Variants in TRHDE observed in about 807,000 individuals in gnomAD.
TRHDE encodes thyrotropin-releasing hormone-degrading ectoenzyme.
TRHDE carries 72 observed loss-of-function variants against 125.7 expected under a neutral mutation model. The ratio of observed to expected loss-of-function variants is 0.57; its 90% CI spans 0.47 to 0.70. The LOEUF (loss-of-function observed/expected upper bound fraction) is 0.70, where lower values mean the gene tolerates loss of function less well. Ranked by LOEUF, TRHDE falls within the 30% of genes least tolerant of loss-of-function variation. The pLI, the probability that TRHDE is intolerant of heterozygous loss-of-function variation, is 0.00. For synonymous variants in TRHDE, 509 were observed against 509.1 expected (o/e 1.00, Z 0.00); for missense variants, 1,110 against 1,327.1 (o/e 0.84, Z 2.54).
chr12:72,314,726 G>T (rs932684238), intron 2 of TRHDE, among the ~76,000 whole-genome samples: 1 of 152,058 alleles, frequency 6.6e-6, no homozygotes, highest in Non-Finnish European at 1.5e-5. Flanking sequence ...AAAAAAATCA[G>T]AGTTTTAAAA....
chr12:72,145,348 A>G (rs912115942), intron 2 of TRHDE, among the ~76,000 whole-genome samples: 4 of 152,212 alleles, frequency 2.6e-5, no homozygotes, highest in African/African-American at 9.6e-5. Flanking sequence ...CCATTCAAAC[A>G]TGTTTCATTT....
At chr12:72,311,962 T>C (rs1410991790) in intron 2 of TRHDE, among the ~76,000 whole-genome samples, 2 of 152,204 alleles carry the variant, frequency 1.3e-5, no homozygotes, top group Non-Finnish European at 2.9e-5. Context: ...TAAATTTCAA[T>C]GTCTGGATTG....
At chr12:72,108,250 G>C (rs117988734) in intron 2 of TRHDE, among the ~76,000 whole-genome samples, 4,948 of 152,176 alleles carry the variant, frequency 0.033, 135 homozygotes, top group Non-Finnish European at 0.045. Flanking sequence ...GGATTTGTAA[G>C]AACTAGGTTA....
intron 1 of TRHDE, among the ~76,000 whole-genome samples, chr12:72,281,233 A>C (rs974598391): frequency 1.3e-5 from 2 of 152,204 alleles, no homozygotes; most frequent in South Asian, 4.1e-4. Context: ...AATATTCAGC[A>C]GGAGTACTTC....
At chr12:72,538,316 A>G (rs1387886264) in intron 6 of TRHDE, among the ~76,000 whole-genome samples, 3 of 151,974 alleles carry the variant, frequency 2.0e-5, no homozygotes, top group Admixed American at 6.6e-5. Context: ...ACTAATTCTT[A>G]AAACATGTCT....
chr12:72,101,216 A>G (rs758167992), intron 1 of TRHDE, among the ~76,000 whole-genome samples: 1 of 152,228 alleles, frequency 6.6e-6, no homozygotes, highest in Non-Finnish European at 1.5e-5. Flanking sequence ...GTGCATGATT[A>G]CATTATACCA....
At chr12:72,578,895 A>G (rs1224730125) in intron 12 of TRHDE, among the ~76,000 whole-genome samples, 2 of 151,666 alleles carry the variant, frequency 1.3e-5, no homozygotes, top group Non-Finnish European at 2.9e-5. Flanking sequence ...TACTCCCTTC[A>G]TTCCCTGCCA....
chr12:72,584,723 G>T (rs555809398), intron 12 of TRHDE, among the ~76,000 whole-genome samples: 1 of 152,256 alleles, frequency 6.6e-6, no homozygotes, highest in East Asian at 1.9e-4. Context: ...TGTCACAAAT[G>T]AGAGGATTTC....
chr12:72,113,087 G>A (rs960557210), intron 2 of TRHDE, among the ~76,000 whole-genome samples: 5 of 152,052 alleles, frequency 3.3e-5, no homozygotes, highest in Admixed American at 6.6e-5. Context: ...GTGTGATCAT[G>A]GTTCACTGCA....
chr12:72,160,540 T>A (rs1206775699), intron 2 of TRHDE, among the ~76,000 whole-genome samples: 4 of 151,928 alleles, frequency 2.6e-5, no homozygotes, highest in Non-Finnish European at 4.4e-5. Flanking sequence ...TACAAAAAAA[T>A]TAGCTGGGCT....
chr12:72,179,140 C>A (rs1049333398), intron 2 of TRHDE, among the ~76,000 whole-genome samples: 7 of 152,076 alleles, frequency 4.6e-5, no homozygotes, highest in Non-Finnish European at 7.4e-5. Flanking sequence ...TTGCAGATTT[C>A]TGGTACAAGA....
rs1444743024 is a variant in TRHDE, at chr12:72,232,522, AGTCAG to A, written n.279+126771_279+126775del. On this transcript the variant is annotated intron_variant and non_coding_transcript_variant, in intron 2 of 4. Transcript: ENST00000548156. Reference sequence around the variant, plus strand: ...CATCTAGGAGGGGCAGTCTCTCCCTAGTCAGCGAGGGCCCAGATAACAGAGCATCA... The same window carrying A: ...CATCTAGGAGGGGCAGTCTCTCCCTACGAGGGCCCAGATAACAGAGCATCA... Among the ~76,000 whole-genome samples the A allele has an allele frequency of 4.5e-4, 69 of 152,228 alleles. 1 individual carries two copies. Among genetic ancestry groups the A allele is most frequent in the African/African-American group, 1.5e-3 (62 of 41,536 alleles).
chr12:72,652,615 G>A (rs1874550836), intron 16 of TRHDE, 126 bp downstream of exon 16: 4 of 568,748 alleles, frequency 7.0e-6, no homozygotes, highest in Non-Finnish European at 5.6e-6. Context: ...TCCTAAACAT[G>A]AGGAAAACTG....
At chr12:72,571,789 C>T (rs928833520) in intron 10 of TRHDE, among the ~76,000 whole-genome samples, 7 of 152,018 alleles carry the variant, frequency 4.6e-5, no homozygotes, top group Admixed American at 3.9e-4. Flanking sequence ...TGCAGTAGTG[C>T]TTTCTTGAAG....
At chr12:72,109,381 A>G (rs4760823) in intron 2 of TRHDE, among the ~76,000 whole-genome samples, 114,780 of 151,984 alleles carry the variant, frequency 0.76, 44,054 homozygotes, top group Non-Finnish European at 0.83. Flanking sequence ...AGTCAAAGAA[A>G]AGAGTGTCTA....
chr12:72,326,069 G>C (rs1445895735), intron 2 of TRHDE, among the ~76,000 whole-genome samples: 2 of 152,064 alleles, frequency 1.3e-5, no homozygotes, highest in Admixed American at 6.6e-5. Flanking sequence ...TATTTGGAGG[G>C]TCTTTTCTTT....
intron 2 of TRHDE, among the ~76,000 whole-genome samples, chr12:72,239,270 T>C (rs1370006906): frequency 6.6e-6 from 1 of 152,172 alleles, no homozygotes; most frequent in Non-Finnish European, 1.5e-5. Flanking sequence ...AAGTTCTTTA[T>C]GGATTCTGGA....
intron 6 of TRHDE, among the ~76,000 whole-genome samples, chr12:72,537,730 C>T (rs1868938995): frequency 6.6e-6 from 1 of 152,032 alleles, no homozygotes; most frequent in African/African-American, 2.4e-5. Flanking sequence ...TATCTTCAGA[C>T]CACATCTCCT....
chr12:72,199,791 C>T (rs1030354968), intron 2 of TRHDE, among the ~76,000 whole-genome samples: 2 of 152,120 alleles, frequency 1.3e-5, no homozygotes, highest in African/African-American at 2.4e-5. Context: ...CCATTTAGTT[C>T]TTGCATTATG....
Sources: gnomAD v4.1 joint callset for allele counts (sites outside exome capture counted in the v4.1 genomes callset) on GRCh38, gnomAD v4.1.1 for gene constraint, MANE v1.5 for transcripts, NCBI Gene and HGNC (gene_info 2026-07-23, HGNC 2026-07-21) for gene names.